SLC6A3: variants seen among roughly 807,000 people sequenced by gnomAD.
The protein encoded by SLC6A3 is solute carrier family 6 member 3.
A neutral mutation model predicts 70.4 loss-of-function variants in SLC6A3; 19 were observed. That is an observed-to-expected ratio of 0.27 (90% CI 0.19 to 0.40). SLC6A3 has a LOEUF of 0.40. SLC6A3 is among the 10% of genes least tolerant of loss of function. The pLI, the probability that SLC6A3 is intolerant of heterozygous loss-of-function variation, is 1.00. For missense variants in SLC6A3, 613 were observed against 838.5 expected, an observed-to-expected ratio of 0.73 and a Z score of 3.32; for synonymous variants, 368 against 356.6, an observed-to-expected ratio of 1.03 and a Z score of -0.36.
intron 10 of SLC6A3, 86 bp from the exon 11 acceptor site, chr5:1,409,211 G>T: frequency 1.0e-6 from 1 of 992,294 alleles, no homozygotes; most frequent in South Asian, 1.4e-5. Context: ...CACACAAATT[G>T]TTTCACTCAC....
chr5:1,410,529 C>T (rs1334704641), intron 9 of SLC6A3, among the ~76,000 whole-genome samples: 1 of 152,122 alleles, frequency 6.6e-6, no homozygotes, highest in Non-Finnish European at 1.5e-5. Flanking sequence ...TGAGAAAGTC[C>T]AGCAGGCCCA....
intron 8 of SLC6A3, among the ~76,000 whole-genome samples, chr5:1,414,112 C>T (rs1310364831): frequency 6.6e-6 from 1 of 152,140 alleles, no homozygotes; most frequent in African/African-American, 2.4e-5. Context: ...GCTCTGTGGC[C>T]AAGCTGATGT....
At chr5:1,407,913 C>T (rs1359118566) in intron 11 of SLC6A3, among the ~76,000 whole-genome samples, 1 of 152,198 alleles carries the variant, frequency 6.6e-6, no homozygotes, top group Non-Finnish European at 1.5e-5. Context: ...GAGAAAATGA[C>T]CCCCTTGTTT....
intron 4 of SLC6A3, among the ~76,000 whole-genome samples, chr5:1,427,259 A>G (rs1053315737): frequency 1.4e-4 from 21 of 152,268 alleles, no homozygotes; most frequent in African/African-American, 4.6e-4. Flanking sequence ...ACAATTGCAC[A>G]AAGGATGTGA....
intron 4 of SLC6A3, among the ~76,000 whole-genome samples, chr5:1,426,349 G>A (rs1756575090): frequency 6.6e-6 from 1 of 151,982 alleles, no homozygotes; most frequent in South Asian, 2.1e-4. Flanking sequence ...GACAGGCCTG[G>A]GCAACATGGC....
intron 14 of SLC6A3, among the ~76,000 whole-genome samples, chr5:1,400,620 C>G (rs1185845102): frequency 1.3e-5 from 2 of 152,196 alleles, no homozygotes; most frequent in African/African-American, 4.8e-5. Flanking sequence ...GCTGGCCCCA[C>G]AGGGCACTGC....
At chr5:1,427,233 G>A (rs904705129) in intron 4 of SLC6A3, among the ~76,000 whole-genome samples, 15 of 152,208 alleles carry the variant, frequency 9.9e-5, no homozygotes, top group African/African-American at 3.6e-4. Context: ...ACATATTGTA[G>A]AAAAAATCTA....
chr5:1,442,663 C>G lies in SLC6A3; in HGVS notation c.286+249G>C, dbSNP rs1190644632. ...CTGCCCCGTCTGCCGCCCCCCACCC[C>G]CCAGCTTCTTCGCGGGCCTCCCTTT... On this transcript the variant is annotated intron_variant, in intron 2 of 14. Transcript: ENST00000270349. This position sits in a 1 kb window ranked among gnomAD's most constrained non-coding sequence, Gnocchi z 5.0. Among the ~76,000 whole-genome samples, 2 of 152,182 alleles carry G rather than the reference C, an allele frequency of 1.3e-5. No individual in the cohort carries two copies. The highest frequency in any genetic ancestry group is 2.9e-5 in the Non-Finnish European group (2 of 68,030).
At chr5:1,444,054 C>A (rs1213175351) in intron 1 of SLC6A3, among the ~76,000 whole-genome samples, 4 of 152,172 alleles carry the variant, frequency 2.6e-5, no homozygotes, top group Non-Finnish European at 2.9e-5. Flanking sequence ...AAATCAGCCA[C>A]TGTAAAGAGA....
rs1756170910 is a variant in SLC6A3 at position 1,413,327 on chromosome 5, G to A, written c.1156+1364C>T. Reference sequence around the variant, plus strand: ...ACATGGGCTTAGGAGGCCCACCTCTGAGCTGTGGCTCCAGCCCCGACCCTG... The same window carrying A: ...ACATGGGCTTAGGAGGCCCACCTCTAAGCTGTGGCTCCAGCCCCGACCCTG... On this transcript the variant is annotated intron_variant, in intron 8 of 14. Transcript: ENST00000270349. The surrounding 1 kb of genome is among the most constrained non-coding windows in gnomAD (Gnocchi z 7.1). 6.6e-6 allele frequency among the ~76,000 whole-genome samples: 1 copy of A among 152,162 alleles called. No individual in the cohort carries two copies. The highest frequency in any genetic ancestry group is 6.5e-5 in the Admixed American group (1 of 15,278).
At chr5:1,429,235 A>T (rs548956703) in intron 4 of SLC6A3, among the ~76,000 whole-genome samples, 1 of 152,172 alleles carries the variant, frequency 6.6e-6, no homozygotes, top group Non-Finnish European at 1.5e-5. Flanking sequence ...GTTTCAGGGG[A>T]ACCTCAGTCC....
chr5:1,434,291 ACTCAGAGCCATGTTTGAC>A (rs796276919), intron 3 of SLC6A3, among the ~76,000 whole-genome samples: 19 of 152,300 alleles, frequency 1.2e-4, no homozygotes, highest in African/African-American at 3.8e-4. Flanking sequence ...ATGAAGGACT[ACTCAGAGCCATGTTTGAC>A]CTTCCGAGGC....
At position 1,444,695 on chromosome 5, in the gene SLC6A3, G is replaced by A. The variant is rs574431860; in HGVS notation, c.-46+653C>T. 5.9e-5 allele frequency among the ~76,000 whole-genome samples: 9 copies of A among 152,352 alleles called. No homozygotes were observed. In the South Asian group the frequency reaches 1.4e-3, roughly 25 times the overall value. On this transcript the variant is annotated intron_variant, in intron 1 of 14. Coordinates refer to ENST00000270349, the MANE Select transcript of SLC6A3 (RefSeq NM_001044.5). ...AGAGGGCGTCGGGTGCGGAGCTCGC[G>A]AGTCTCCGGCAAGCCGCCGCCGCCC...
intron 4 of SLC6A3, among the ~76,000 whole-genome samples, chr5:1,431,349 T>C (rs1756697264): frequency 1.3e-5 from 2 of 152,144 alleles, no homozygotes; most frequent in South Asian, 2.1e-4. Context: ...GGAAAGCAGG[T>C]GCTGCAGGTG....
rs529423497 is a variant in SLC6A3, at chr5:1,405,229, C to T, written c.1599+959G>A. Among the ~76,000 whole-genome samples the T allele has an allele frequency of 3.9e-5, 6 of 152,368 alleles. No homozygotes were observed. The highest frequency in any genetic ancestry group is 1.4e-4 in the African/African-American group (6 of 41,594). ...CTACAAGATGCCGGGCAGGTTCTCT[C>T]ACACTATGTTGAGCTCCTCCGGGAT... On this transcript the variant is annotated intron_variant, in intron 12 of 14. Transcript: ENST00000270349. This position sits in a 1 kb window ranked among gnomAD's most constrained non-coding sequence, Gnocchi z 5.3.
rs560659935 is a variant in SLC6A3, at chr5:1,401,177, C to T, written c.1768-191G>A. On this transcript the variant is annotated intron_variant, in intron 13 of 14. Coordinates refer to ENST00000270349, the MANE Select transcript of SLC6A3 (RefSeq NM_001044.5). The surrounding 1 kb of genome is among the most constrained non-coding windows in gnomAD (Gnocchi z 6.1). ...TGACTTACACTGCCAGTGCCCATGC[C>T]GACCAGACAGCCAGTCAGGCCCGAA... The T allele has an allele frequency of 1.8e-4, 124 of 701,402 alleles. 1 individual carries two copies. Among genetic ancestry groups the T allele is most frequent in the South Asian group, 1.1e-3 (75 of 66,756 alleles). 43.4% of individuals were successfully genotyped at this position (701,402 alleles called of 1,614,324 possible).
intron 3 of SLC6A3, among the ~76,000 whole-genome samples, chr5:1,439,961 T>C (rs1226674867): frequency 6.6e-6 from 1 of 152,206 alleles, no homozygotes; most frequent in East Asian, 1.9e-4. Context: ...AGACCTAGTG[T>C]GTGCCCTTCC....
rs1196902422 is a variant in SLC6A3 at position 1,422,372 on chromosome 5, C to CCA, written c.654-360_654-359dup. Among the ~76,000 whole-genome samples the CCA allele has an allele frequency of 3.8e-3, 498 of 132,644 alleles. 29 individuals carry two copies. The highest frequency in any genetic ancestry group is 0.013 in the African/African-American group (449 of 33,802). 87.0% of individuals were successfully genotyped at this position (132,644 alleles called of 152,430 possible). ...AGCAATGCTGGGTGCCCACCACTGC[C>CCA]CAGTGCTGCCCAAGGTGCTGGGTGC... On this transcript the variant is annotated intron_variant, in intron 4 of 14. Transcript: ENST00000270349.
intron 3 of SLC6A3, among the ~76,000 whole-genome samples, chr5:1,433,319 C>T (rs1332557115): frequency 6.6e-6 from 1 of 152,134 alleles, no homozygotes; most frequent in Non-Finnish European, 1.5e-5. Context: ...CAGTGTCTCC[C>T]AGAGCCATCA....
Sources: allele counts gnomAD v4.1 joint callset (sites outside exome capture counted in the v4.1 genomes callset), GRCh38; gene constraint gnomAD v4.1.1; non-coding constraint Gnocchi (gnomAD v3.1); transcripts MANE v1.5; gene names NCBI Gene and HGNC (gene_info 2026-07-23, HGNC 2026-07-21).